The following DUS2 variants were observed in gnomAD, a reference collection of about 807,000 sequenced individuals.
DUS2 encodes dihydrouridine synthase 2, also known as tRNA-dihydrouridine(20) synthase [NAD(P)+]-like.
A neutral mutation model predicts 71.3 loss-of-function variants in DUS2; 52 were observed. That is an observed-to-expected ratio of 0.73 (90% confidence interval 0.58 to 0.92). The LOEUF (loss-of-function observed/expected upper bound fraction) is 0.92. DUS2 is among the 40% of genes least tolerant of loss of function. DUS2 has a pLI of 0.00. For synonymous variants in DUS2, 204 were observed against 227.8 expected (o/e 0.90, Z 0.94); for missense variants, 558 against 622.6 (o/e 0.90, Z 1.10).
chr16:68,051,452 GTGACCA>G (rs1157546942), intron 4 of DUS2, among the ~76,000 whole-genome samples: 3 of 152,156 alleles, frequency 2.0e-5, no homozygotes, highest in Non-Finnish European at 4.4e-5. Flanking sequence ...GTGTACTGGT[GTGACCA>G]TAGCTCGCTG....
chr16:68,053,447 T>C, intron 4 of DUS2, 117 bp from the exon 5 acceptor site: 1 of 904,496 alleles, frequency 1.1e-6, no homozygotes. Flanking sequence ...ATGGTATACA[T>C]TTAGGATCTC....
chr16:68,032,415 G>A (rs1471066720), intron 2 of DUS2, among the ~76,000 whole-genome samples: 1 of 152,198 alleles, frequency 6.6e-6, no homozygotes, highest in Non-Finnish European at 1.5e-5. Context: ...GAGGAGCTGA[G>A]GATTGAACAA....
intron 2 of DUS2, 144 bp from the exon 3 acceptor site, chr16:68,037,860 CAA>C: frequency 1.2e-6 from 1 of 836,458 alleles, no homozygotes; most frequent in Non-Finnish European, 1.8e-6. Context: ...GTCTCAAAAA[CAA>C]AAACAATCAA....
chr16:68,075,236 G>C, intron 13 of DUS2, 119 bp from the exon 14 acceptor site: 1 of 944,936 alleles, frequency 1.1e-6, no homozygotes, highest in Non-Finnish European at 1.5e-6. Context: ...GCCAGGCCCC[G>C]GTGGTGTTTT....
intron 10 of DUS2, among the ~76,000 whole-genome samples, chr16:68,068,951 C>T (rs1193886181): frequency 2.0e-5 from 3 of 152,008 alleles, no homozygotes; most frequent in Non-Finnish European, 4.4e-5. Context: ...GTTGGGAACA[C>T]TCGGAAGACA....
chr16:68,071,171 C>A (rs762627040), intron 12 of DUS2, 63 bp downstream of exon 12: 14 of 1,571,192 alleles, frequency 8.9e-6, no homozygotes, highest in Non-Finnish European at 1.1e-5. Flanking sequence ...CTGCAGAGAG[C>A]ACTTTGTGTG....
At chr16:68,038,291 A>T in intron 3 of DUS2, 142 bp downstream of exon 3, 3 of 1,210,366 alleles carry the variant, frequency 2.5e-6, no homozygotes, top group Non-Finnish European at 2.3e-6. Context: ...GGAGACAAAC[A>T]TGTGTGACAC....
chr16:68,028,844 G>A (rs1032679570), intron 2 of DUS2, among the ~76,000 whole-genome samples: 11 of 152,062 alleles, frequency 7.2e-5, no homozygotes, highest in South Asian at 2.1e-4. Flanking sequence ...TAATGTGCCC[G>A]AGGCACAGCT....
intron 8 of DUS2, among the ~76,000 whole-genome samples, chr16:68,061,353 A>G (rs1414505431): frequency 6.6e-6 from 1 of 152,184 alleles, no homozygotes; most frequent in Non-Finnish European, 1.5e-5. Context: ...AGACATGTCA[A>G]TGAAGAGCCA....
chr16:68,051,333 G>A (rs2033775864), intron 4 of DUS2, among the ~76,000 whole-genome samples: 1 of 152,182 alleles, frequency 6.6e-6, no homozygotes, highest in Non-Finnish European at 1.5e-5. Flanking sequence ...CAAGCCTCTG[G>A]TCATATTTTC....
At chr16:68,051,214 C>G (rs2033774316) in intron 4 of DUS2, among the ~76,000 whole-genome samples, 1 of 152,164 alleles carries the variant, frequency 6.6e-6, no homozygotes, top group Admixed American at 6.6e-5. Context: ...AGATAAAATA[C>G]AGTTGCTTCT....
At chr16:68,062,850 G>GTATAGTTTATAA (rs1249421895) in intron 8 of DUS2, among the ~76,000 whole-genome samples, 2 of 152,110 alleles carry the variant, frequency 1.3e-5, no homozygotes, top group East Asian at 3.8e-4. Context: ...AGGTGCCTGG[G>GTATAGTTTATAA]TATAGTTTAT....
chr16:68,050,429 C>T (rs1400601659), intron 4 of DUS2, among the ~76,000 whole-genome samples: 1 of 152,098 alleles, frequency 6.6e-6, no homozygotes, highest in Non-Finnish European at 1.5e-5. Context: ...AGCCACCATG[C>T]CTGGCCGAAC....
intron 7 of DUS2, among the ~76,000 whole-genome samples, chr16:68,057,905 G>A (rs1310464924): frequency 6.8e-6 from 1 of 147,272 alleles, no homozygotes; most frequent in African/African-American, 2.5e-5. Context: ...AAAAAAAGTG[G>A]ATGCAGTGTA....
At chr16:68,068,135 T>C (rs908791488) in intron 10 of DUS2, among the ~76,000 whole-genome samples, 1 of 152,236 alleles carries the variant, frequency 6.6e-6, no homozygotes, top group Non-Finnish European at 1.5e-5. Context: ...TGTGATTTTG[T>C]ACAGCATCTC....
intron 3 of DUS2, among the ~76,000 whole-genome samples, chr16:68,041,928 G>A (rs909804035): frequency 6.6e-6 from 1 of 151,562 alleles, no homozygotes; most frequent in Non-Finnish European, 1.5e-5. Flanking sequence ...GTTCAGTAGT[G>A]TTATGTATAT....
At chr16:68,073,572 C>A (rs1260675836) in intron 12 of DUS2, among the ~76,000 whole-genome samples, 2 of 151,768 alleles carry the variant, frequency 1.3e-5, no homozygotes, top group Admixed American at 1.3e-4. Flanking sequence ...GCCTCAGCCT[C>A]CCGAGTAGCT....
intron 6 of DUS2, among the ~76,000 whole-genome samples, chr16:68,055,085 A>C (rs544812756): frequency 6.6e-6 from 1 of 151,918 alleles, no homozygotes; most frequent in African/African-American, 2.4e-5. Flanking sequence ...GTGGCATCCA[A>C]GGGCTGGCCT....
chr16:68,079,000 CT>C lies in DUS2; in HGVS notation c.*16del. ...GAAGGCTGGTGACTACTCTTCCTGC[CT>C]TAGTCACCCCTCCATGGGCCTGGTG... On this transcript the variant is annotated 3_prime_UTR_variant, in exon 17 of 17. Transcript: ENST00000565263. 1 of 1,536,696 alleles carries C rather than the reference CT, an allele frequency of 6.5e-7. No homozygotes were observed. The highest frequency in any genetic ancestry group is 1.4e-5 in the African/African-American group (1 of 72,714).
Sources: gnomAD v4.1 joint callset for allele counts (sites outside exome capture counted in the v4.1 genomes callset) on GRCh38, gnomAD v4.1.1 for gene constraint, MANE v1.5 for transcripts, NCBI Gene and HGNC (gene_info 2026-07-23, HGNC 2026-07-21) for gene names.